The following NIPAL2 variants were observed in gnomAD, a reference collection of about 807,000 sequenced individuals.
NIPAL2 encodes the protein NIPA like domain containing 2, also known as NIPA-like protein 2.
NIPAL2 carries 43 observed loss-of-function variants against 48.9 expected under a neutral mutation model. The observed-to-expected ratio is 0.88, with a 90% CI of 0.69 to 1.13. NIPAL2 has a LOEUF of 1.13. NIPAL2 is among the 50% of genes most tolerant of loss of function. The pLI, the probability that NIPAL2 is intolerant of heterozygous loss-of-function variation, is 0.00. For missense variants in NIPAL2, 446 were observed against 461.4 expected, an observed-to-expected ratio of 0.97 and a Z score of 0.31; for synonymous variants, 167 against 174.6, an observed-to-expected ratio of 0.96 and a Z score of 0.34.
chr8:98,189,827 C>T lies in NIPAL2; in HGVS notation c.*3151G>A, dbSNP rs568616196. The stretch of plus-strand genomic sequence containing the variant: ...AGAGGGGGAAGAATACATTCTGGGT[C>T]ACTGCTTGAGAAATTTTTTTATTGT... On this transcript the variant is annotated 3_prime_UTR_variant, in exon 11 of 11. Transcript: ENST00000430223. The T allele has an allele frequency of 6.6e-6, 1 of 152,280 alleles. No individual in the cohort carries two copies. Among genetic ancestry groups the T allele is most frequent in the South Asian group, 2.1e-4 (1 of 4,822 alleles). The allele number at this position is 152,280 out of a possible 1,614,324, so 9.4% of individuals were successfully genotyped here. A position where few individuals can be genotyped will look rare whatever the true frequency, so the allele number is the denominator to read the frequency against.
intron 4 of NIPAL2, among the ~76,000 whole-genome samples, chr8:98,226,620 C>T (rs1812187124): frequency 2.0e-5 from 3 of 152,198 alleles, no homozygotes; most frequent in African/African-American, 7.2e-5. Flanking sequence ...CTCTCTCTCT[C>T]TCTGTCCTGA....
At chr8:98,290,738 T>A (rs1816446532) in intron 1 of NIPAL2, among the ~76,000 whole-genome samples, 1 of 152,108 alleles carries the variant, frequency 6.6e-6, no homozygotes, top group Non-Finnish European at 1.5e-5. Flanking sequence ...CCATAAAAAT[T>A]AAAAAATCTT....
chr8:98,245,049 T>G (rs1813236479), intron 3 of NIPAL2, among the ~76,000 whole-genome samples: 1 of 151,984 alleles, frequency 6.6e-6, no homozygotes, highest in East Asian at 1.9e-4. Flanking sequence ...AAAAAGAAAA[T>G]AACCCATGAC....
At chr8:98,256,213 G>A (rs145720285) in intron 1 of NIPAL2, among the ~76,000 whole-genome samples, 3,236 of 151,904 alleles carry the variant, frequency 0.021, 100 homozygotes, top group African/African-American at 0.074. Context: ...TAGTAGAGAC[G>A]GCATTTCGCC....
intron 1 of NIPAL2, among the ~76,000 whole-genome samples, chr8:98,270,393 G>A (rs1305383379): frequency 6.6e-6 from 1 of 152,010 alleles, no homozygotes; most frequent in Non-Finnish European, 1.5e-5. Flanking sequence ...GGTATGAGAT[G>A]GTATCTCATT....
Position 98,263,635 on chromosome 8 carries a change from C to T in NIPAL2, c.136-9548G>A, listed in dbSNP as rs1383322205. Among the ~76,000 whole-genome samples the T allele has an allele frequency of 4.9e-3, 722 of 146,442 alleles. 10 individuals carry two copies. Among genetic ancestry groups the T allele is most frequent in the African/African-American group, 0.017 (673 of 38,508 alleles). Reference sequence around the variant, plus strand: ...CAGGATCTGAAATTGTGGCAATAATCAATAGTTTACCAACCAAAAAGAGTC... The same window carrying T: ...CAGGATCTGAAATTGTGGCAATAATTAATAGTTTACCAACCAAAAAGAGTC... On this transcript the variant is annotated intron_variant, in intron 1 of 10. Transcript: ENST00000430223.
In NIPAL2 at chr8:98,205,206, C is replaced by T; in HGVS notation, c.696G>A (p.Met232Ile). 4 of 1,613,660 alleles carry T rather than the reference C, an allele frequency of 2.5e-6. No individual in the cohort carries two copies. Among genetic ancestry groups the T allele is most frequent in the Non-Finnish European group, 3.4e-6 (4 of 1,179,828 alleles). ...TTTTATCCATCACAGAAAAAGTGAT[C>T]ATGCCTGAGACGGCCTTTACTGAAA... ...TVISVKAVSGMITFSVMDKMQ... is the reference protein window; with the variant it reads ...TVISVKAVSGIITFSVMDKMQ... Residue 232 changes from methionine to isoleucine, a missense_variant, in exon 7 of 11, where the codon ATG (methionine) becomes ATA (isoleucine). Transcript: ENST00000430223.
At chr8:98,234,138 C>A (rs575957447) in intron 4 of NIPAL2, among the ~76,000 whole-genome samples, 3 of 152,208 alleles carry the variant, frequency 2.0e-5, no homozygotes. Context: ...TCCTACAGTG[C>A]ACAGGGCAGC....
chr8:98,240,165 T>A (rs1385222430), intron 3 of NIPAL2, among the ~76,000 whole-genome samples: 1 of 152,244 alleles, frequency 6.6e-6, no homozygotes, highest in African/African-American at 2.4e-5. Flanking sequence ...TAGTTATGAC[T>A]GGATATTTAC....
chr8:98,205,066 C>G, intron 7 of NIPAL2, 45 bp downstream of exon 7: 1 of 1,597,376 alleles, frequency 6.3e-7, no homozygotes. Flanking sequence ...CCCAGAGAAG[C>G]ACCGGAATGT....
At chr8:98,212,372 A>G (rs1811359651) in intron 6 of NIPAL2, 33 bp downstream of exon 6, 3 of 1,185,160 alleles carry the variant, frequency 2.5e-6, no homozygotes, top group South Asian at 1.2e-5. Context: ...GCACAGCTCA[A>G]TTAAAGAATA....
chr8:98,234,730 T>C (rs984454625), intron 4 of NIPAL2, among the ~76,000 whole-genome samples: 5 of 115,576 alleles, frequency 4.3e-5, no homozygotes, highest in Admixed American at 2.8e-4. Context: ...TTTTTTTTTT[T>C]CAGTAGAGAC....
At chr8:98,194,577 A>C (rs1810456542) in intron 10 of NIPAL2, 151 bp downstream of exon 10, 9 of 446,590 alleles carry the variant, frequency 2.0e-5, no homozygotes, top group South Asian at 6.3e-5. Context: ...AGAAACATTT[A>C]CACTGAAAAT....
chr8:98,291,562 A>G (rs939173893), intron 1 of NIPAL2, among the ~76,000 whole-genome samples: 1 of 152,212 alleles, frequency 6.6e-6, no homozygotes, highest in Admixed American at 6.5e-5. Context: ...CCAAACACCT[A>G]ATAATATTCA....
intron 3 of NIPAL2, among the ~76,000 whole-genome samples, chr8:98,249,887 T>C (rs1401494155): frequency 6.6e-6 from 1 of 151,542 alleles, no homozygotes; most frequent in African/African-American, 2.4e-5. Context: ...TGAGACAAAA[T>C]AGCAAGTCTG....
intron 6 of NIPAL2, among the ~76,000 whole-genome samples, chr8:98,211,090 A>C (rs537296288): frequency 3.3e-5 from 5 of 152,312 alleles, no homozygotes; most frequent in African/African-American, 1.2e-4. Flanking sequence ...TAATCCTTAC[A>C]GCTGTACTAG....
chr8:98,205,066 C>T, intron 7 of NIPAL2, 45 bp downstream of exon 7: 3 of 1,597,376 alleles, frequency 1.9e-6, no homozygotes, highest in Non-Finnish European at 2.6e-6. Context: ...CCCAGAGAAG[C>T]ACCGGAATGT....
chr8:98,261,484 G>C (rs1814326204), intron 1 of NIPAL2, among the ~76,000 whole-genome samples: 1 of 146,882 alleles, frequency 6.8e-6, no homozygotes. Context: ...GAAGAATGCA[G>C]AAGCCTCAGG....
chr8:98,244,365 G>A (rs10093672), intron 3 of NIPAL2, among the ~76,000 whole-genome samples: 6,118 of 22,150 alleles, frequency 0.28, 1,409 homozygotes, highest in East Asian at 0.36. Context: ...TGGTGATGAG[G>A]GGTAGTCTGT....
Sources: allele counts gnomAD v4.1 joint callset (sites outside exome capture counted in the v4.1 genomes callset), GRCh38; gene constraint gnomAD v4.1.1; transcripts MANE v1.5; gene names NCBI Gene and HGNC (gene_info 2026-07-23, HGNC 2026-07-21).